Variants in KIF27 observed in about 807,000 individuals in gnomAD.
KIF27 encodes the protein kinesin-like protein KIF27.
Under a neutral mutation model 141.8 loss-of-function variants are expected in KIF27, and 84 were observed. That is an observed-to-expected ratio of 0.59 (90% CI 0.50 to 0.71). KIF27 has a LOEUF of 0.71. KIF27 is among the 30% of genes least tolerant of loss of function. KIF27 has a pLI of 0.00. For synonymous variants in KIF27, 471 were observed against 569.5 expected, an observed-to-expected ratio of 0.83 and a Z score of 2.46; for missense variants, 1,306 against 1,628.4, an observed-to-expected ratio of 0.80 and a Z score of 3.41.
intron 2 of KIF27, 147 bp downstream of exon 2, chr9:83,915,147 G>T: frequency 1.7e-6 from 1 of 571,654 alleles, no homozygotes; most frequent in African/African-American, 1.9e-5. Flanking sequence ...TTTCAAAGAT[G>T]ATGATCTTAT....
Position 83,837,468 on chromosome 9 carries a change from C to G in KIF27, c.3739G>C (p.Gly1247Arg), listed in dbSNP as rs919485448. 1.2e-6 allele frequency: 2 copies of G among 1,605,284 alleles called. No homozygotes were observed. Among genetic ancestry groups the G allele is most frequent in the Non-Finnish European group, 1.7e-6 (2 of 1,176,236 alleles). The stretch of plus-strand genomic sequence containing the variant: ...CCTCCTCCTTCTGGCTTCAGGACTC[C>G]ATCTCCAGCCTCTTGATCTAAAAAT... ...APSEYQEAGD[G>R]VLKPEGGGML... Residue 1247 changes from glycine to arginine, a missense_variant, in exon 18 of 18, where the codon GGA becomes CGA. Around this residue, in one of 4 missense-constraint regions of KIF27, gnomAD observed 148 missense variants for 250.9 expected, o/e 0.59. Coordinates refer to ENST00000297814, the MANE Select transcript of KIF27 (RefSeq NM_017576.4).
intron 11 of KIF27, among the ~76,000 whole-genome samples, chr9:83,874,478 A>T (rs915920801): frequency 2.6e-5 from 4 of 152,314 alleles, no homozygotes; most frequent in Non-Finnish European, 5.9e-5. Context: ...ACAGACAGCA[A>T]ATTTTATCCT....
Position 83,895,842 on chromosome 9 carries a change from G to C in KIF27, c.1602+3819C>G, listed in dbSNP as rs1000822210. Among the ~76,000 whole-genome samples the C allele has an allele frequency of 2.6e-5, 4 of 152,114 alleles. No individual in the cohort carries two copies. The South Asian group carries it at 8.3e-4, about 32-fold the overall frequency. On this transcript the variant is annotated intron_variant, in intron 5 of 17. Transcript: ENST00000297814. Reference sequence around the variant, plus strand: ...GGAGGCCAAGGCAGGTAGATCATTTGAGGTCAGGAGTGATTGACTGACATG... The same window carrying C: ...GGAGGCCAAGGCAGGTAGATCATTTCAGGTCAGGAGTGATTGACTGACATG...
Position 83,891,425 on chromosome 9 carries a change from G to C in KIF27, c.1679C>G (p.Thr560Ser). The change falls in exon 6 of 18, where the codon ACT becomes AGT. Residue 560 changes from threonine to serine, a missense_variant. Coordinates refer to ENST00000297814, the MANE Select transcript of KIF27 (RefSeq NM_017576.4). ...TCCACAATTTTCTTTAGCTGAAGAA[G>C]TCACTGACAGGTTAAGTTTTGTTAG... The part of the protein sequence containing the change: ...EELTKLNLSV[T>S]SSAKENCGDG... The C allele has an allele frequency of 6.2e-7, 1 of 1,613,888 alleles. No homozygotes were observed.
intron 4 of KIF27, among the ~76,000 whole-genome samples, chr9:83,902,206 T>TA (rs886538194): frequency 1.3e-5 from 2 of 151,946 alleles, no homozygotes; most frequent in East Asian, 1.9e-4. Context: ...GCTTAGAGCT[T>TA]AAAAAAAAGG....
chr9:83,877,395 G>C (rs1319033007), intron 11 of KIF27, among the ~76,000 whole-genome samples: 1 of 152,136 alleles, frequency 6.6e-6, no homozygotes, highest in Non-Finnish European at 1.5e-5. Flanking sequence ...AGGGTGCCAA[G>C]TCCATTCAAT....
chr9:83,837,083 C>T lies in KIF27; in HGVS notation c.4124G>A (p.Arg1375His), dbSNP rs777419059. 7 of 1,613,988 alleles carry T rather than the reference C, an allele frequency of 4.3e-6. No individual in the cohort carries two copies. The highest frequency in any genetic ancestry group is 2.2e-5 in the East Asian group (1 of 44,892). Residue 1375 changes from arginine to histidine, a missense_variant, in exon 18 of 18, where the codon CGT becomes CAT. This residue lies in a region of KIF27 where 148 missense variants were observed against 250.9 expected (regional missense o/e 0.59). Coordinates refer to ENST00000297814, the MANE Select transcript of KIF27 (RefSeq NM_017576.4). ...QISALELSLR[R>H]SSLGVGIGSM... ...TCCAATGCCAACTCCAAGACTGGAA[C>T]GTCGCAATGATAGTTCCAAGGCGGA...
chr9:83,916,645 T>C (rs1955711521), intron 1 of KIF27, among the ~76,000 whole-genome samples: 1 of 151,164 alleles, frequency 6.6e-6, no homozygotes, highest in Non-Finnish European at 1.5e-5. Flanking sequence ...AATTGGTAAC[T>C]ACATTTACAA....
chr9:83,843,525 TTAAGTA>T (rs1020759372), intron 16 of KIF27, among the ~76,000 whole-genome samples: 4 of 152,208 alleles, frequency 2.6e-5, no homozygotes, highest in Non-Finnish European at 4.4e-5. Flanking sequence ...AGAATTTTGT[TTAAGTA>T]TATTTGTATA....
At chr9:83,851,423 T>C (rs1948571794) in intron 15 of KIF27, among the ~76,000 whole-genome samples, 1 of 152,064 alleles carries the variant, frequency 6.6e-6, no homozygotes, top group Non-Finnish European at 1.5e-5. Flanking sequence ...GCAATCATAG[T>C]TCACTGCAGC....
At chr9:83,889,300 A>AT in intron 6 of KIF27, 47 bp from the exon 7 acceptor site, 1 of 1,542,472 alleles carries the variant, frequency 6.5e-7, no homozygotes, top group Non-Finnish European at 8.8e-7. Flanking sequence ...TGATATTTTA[A>AT]AAGTCTAATT....
At chr9:83,843,810 C>A (rs1464639815) in intron 16 of KIF27, among the ~76,000 whole-genome samples, 3 of 152,132 alleles carry the variant, frequency 2.0e-5, no homozygotes, top group African/African-American at 7.2e-5. Flanking sequence ...ACAGCTTCAA[C>A]CTCCTGGGTT....
At chr9:83,899,530 G>A in intron 5 of KIF27, 131 bp downstream of exon 5, 1 of 585,218 alleles carries the variant, frequency 1.7e-6, no homozygotes, top group Non-Finnish European at 2.8e-6. Flanking sequence ...AATTCTTTCA[G>A]GTGCCTATGT....
At chr9:83,921,006 C>T (rs1398586595) in intron 1 of KIF27, among the ~76,000 whole-genome samples, 2 of 152,164 alleles carry the variant, frequency 1.3e-5, no homozygotes, top group East Asian at 3.9e-4. Flanking sequence ...TGCAGCGACA[C>T]GAGACGAACA....
intron 16 of KIF27, among the ~76,000 whole-genome samples, chr9:83,848,196 T>G (rs575436709): frequency 1.1e-5 from 1 of 87,586 alleles, no homozygotes; most frequent in South Asian, 3.3e-4. Context: ...ATATATATGA[T>G]ATATCAGATA....
intron 2 of KIF27, among the ~76,000 whole-genome samples, chr9:83,909,228 C>G (rs2132688293): frequency 1.3e-5 from 2 of 152,084 alleles, no homozygotes; most frequent in East Asian, 3.9e-4. Context: ...GGTAGGGGGA[C>G]TAGAAGTGTA....
chr9:83,905,111 A>C (rs1954367111), intron 3 of KIF27, among the ~76,000 whole-genome samples: 1 of 151,878 alleles, frequency 6.6e-6, no homozygotes, highest in African/African-American at 2.4e-5. Context: ...GTTTATATCC[A>C]AAAATATTTC....
rs1233098018 is a variant in KIF27, at chr9:83,887,155, A to G, written c.2125T>C (p.Leu709=). The stretch of plus-strand genomic sequence containing the variant: ...CGTTCTGAATTCTTTAATTTTTGCA[A>G]ATTCAATTCTTGACTCTCCTGGAGA... The part of the protein sequence containing the change: ...DCLQESQELN[L]QKLKNSERIL... Residue 709 remains leucine (L), a synonymous_variant, in exon 9 of 18, where the codon TTG becomes CTG. Coordinates refer to ENST00000297814, the MANE Select transcript of KIF27 (RefSeq NM_017576.4). The G allele has an allele frequency of 6.3e-7, 1 of 1,587,842 alleles. No homozygotes were observed. Among genetic ancestry groups the G allele is most frequent in the Non-Finnish European group, 8.6e-7 (1 of 1,168,756 alleles).
chr9:83,920,095 T>C (rs2132906288), intron 1 of KIF27, among the ~76,000 whole-genome samples: 1 of 152,188 alleles, frequency 6.6e-6, no homozygotes, highest in African/African-American at 2.4e-5. Context: ...TGCCAGGCTG[T>C]GGTGACGCAC....
Sources: gnomAD v4.1 joint callset for allele counts (sites outside exome capture counted in the v4.1 genomes callset) on GRCh38, gnomAD v4.1.1 for gene constraint, gnomAD v4.1.1 regional missense constraint, MANE v1.5 for transcripts, NCBI Gene and HGNC (gene_info 2026-07-23, HGNC 2026-07-21) for gene names.